PRICKLE2: variants seen among roughly 807,000 people sequenced by gnomAD.
PRICKLE2 encodes the protein prickle-like protein 2.
Under a neutral mutation model 81.4 loss-of-function variants are expected in PRICKLE2, and 21 were observed. That is an observed-to-expected ratio of 0.26 (90% CI 0.18 to 0.37). PRICKLE2 has a LOEUF of 0.37. PRICKLE2 is among the 10% of genes least tolerant of loss of function. The probability of loss-of-function intolerance (pLI) is 1.00; values close to 1 mark genes in which losing one functional copy is unlikely to be tolerated. For synonymous variants in PRICKLE2, 456 were observed against 421.5 expected (o/e 1.08, Z -1.00); for missense variants, 940 against 1,109.0 (o/e 0.85, Z 2.16).
At chr3:64,128,234 C>T (rs2077141597) in intron 7 of PRICKLE2, among the ~76,000 whole-genome samples, 1 of 152,134 alleles carries the variant, frequency 6.6e-6, no homozygotes, top group South Asian at 2.1e-4. Context: ...TTTCTCCACA[C>T]GTGGAACAAC....
intron 1 of PRICKLE2, among the ~76,000 whole-genome samples, chr3:64,207,511 G>T (rs993445494): frequency 1.3e-5 from 2 of 152,066 alleles, no homozygotes; most frequent in African/African-American, 4.8e-5. Flanking sequence ...GGCCGGTAAC[G>T]ACAAGACATG....
chr3:64,200,347 C>G (rs2078548856), intron 1 of PRICKLE2: 1 of 152,170 alleles, frequency 6.6e-6, no homozygotes, highest in Non-Finnish European at 1.5e-5. Flanking sequence ...TATAGATATA[C>G]CACATTTTCA....
intron 2 of PRICKLE2, among the ~76,000 whole-genome samples, chr3:64,171,874 G>C (rs1217220543): frequency 1.3e-5 from 2 of 152,210 alleles, no homozygotes; most frequent in Non-Finnish European, 1.5e-5. Context: ...GTTTATTTCA[G>C]AGGAAGTGAC....
chr3:64,258,845 A>AAGAAAGAAAG (rs2079569796), intron 2 of PRICKLE2, among the ~76,000 whole-genome samples: 38 of 33,992 alleles, frequency 1.1e-3, no homozygotes, highest in African/African-American at 2.7e-3. Flanking sequence ...AAAAAAAAAA[A>AAGAAAGAAAG]AAAGAAAGAA....
chr3:64,110,909 C>A (rs545246710), intron 7 of PRICKLE2, among the ~76,000 whole-genome samples: 2 of 138,330 alleles, frequency 1.4e-5, no homozygotes, highest in African/African-American at 2.7e-5. Flanking sequence ...TTGCAGTAAG[C>A]CGAGATCGTG....
At chr3:64,182,388 G>C (rs186809190) in intron 2 of PRICKLE2, among the ~76,000 whole-genome samples, 1 of 152,170 alleles carries the variant, frequency 6.6e-6, no homozygotes, top group East Asian at 1.9e-4. Flanking sequence ...CTGGGAGGCT[G>C]AGGTGGGAGG....
chr3:64,174,677 C>T (rs1333192108), intron 2 of PRICKLE2: 3 of 204,436 alleles, frequency 1.5e-5, no homozygotes, highest in Non-Finnish European at 3.3e-5. Context: ...TGCTTTTCTC[C>T]TATCCTTTGG....
chr3:64,245,560 T>C (rs949237444), intron 2 of PRICKLE2, among the ~76,000 whole-genome samples: 1 of 152,224 alleles, frequency 6.6e-6, no homozygotes, highest in Admixed American at 6.5e-5. Context: ...GTGACGTGTG[T>C]TGCAACAGAC....
chr3:64,224,131 G>C (rs1320031198), intron 1 of PRICKLE2, among the ~76,000 whole-genome samples: 2 of 152,166 alleles, frequency 1.3e-5, no homozygotes, highest in Non-Finnish European at 2.9e-5. Flanking sequence ...CATCACATCT[G>C]GTATGGATCG....
chr3:64,212,995 C>T (rs1258868862), intron 1 of PRICKLE2, among the ~76,000 whole-genome samples: 1 of 151,726 alleles, frequency 6.6e-6, no homozygotes, highest in East Asian at 1.9e-4. Context: ...AAGGTAATTT[C>T]ATTATTATCC....
intron 7 of PRICKLE2, among the ~76,000 whole-genome samples, chr3:64,112,431 C>G (rs1357556811): frequency 6.6e-6 from 1 of 152,144 alleles, no homozygotes; most frequent in East Asian, 1.9e-4. Context: ...TTCATGACCT[C>G]ATGTACAACA....
chr3:64,146,540 G>A lies in PRICKLE2; in HGVS notation c.1660+290C>T, dbSNP rs898695931. The A allele has an allele frequency of 6.5e-5, 23 of 353,502 alleles. No individual in the cohort carries two copies. The Admixed American group carries it at 7.2e-4, about 11-fold the overall frequency. 21.9% of individuals were successfully genotyped at this position (353,502 alleles called of 1,614,324 possible). A position where few individuals can be genotyped will look rare whatever the true frequency, so the allele number is the denominator to read the frequency against. On this transcript the variant is annotated intron_variant, in intron 7 of 7. Coordinates refer to ENST00000638394, the MANE Select transcript of PRICKLE2 (RefSeq NM_198859.4). Reference sequence around the variant, plus strand: ...AGGTGGATCACGAGGTCAGGAGATCGAGAACATCCCGGCTAACACGGTGAA... The same window carrying A: ...AGGTGGATCACGAGGTCAGGAGATCAAGAACATCCCGGCTAACACGGTGAA...
chr3:64,210,494 C>T (rs1224871235), intron 1 of PRICKLE2, among the ~76,000 whole-genome samples: 1 of 152,132 alleles, frequency 6.6e-6, no homozygotes, highest in African/African-American at 2.4e-5. Flanking sequence ...AGTGCCAAGA[C>T]CACACTGCCT....
rs17720698 is a variant in PRICKLE2, at chr3:64,157,183, C to T, written c.579G>A (p.Pro193=). ...CGRHHAECLK[P]RCAACDEIIF... The stretch of plus-strand genomic sequence containing the variant: ...TAACCTCATCGCAGGCAGCACAGCG[C>T]GGCTTCAGGCACTCAGCATGGTGCC... Residue 193 remains proline, a synonymous_variant, in exon 5 of 8, where the codon CCG becomes CCA. Coordinates refer to ENST00000638394, the MANE Select transcript of PRICKLE2 (RefSeq NM_198859.4). The T allele has an allele frequency of 0.22, 359,661 of 1,613,502 alleles. 42,307 individuals carry two copies. The highest frequency in any genetic ancestry group is 0.28 in the African/African-American group (20,700 of 74,974).
At chr3:64,207,424 C>G (rs989566118) in intron 1 of PRICKLE2, among the ~76,000 whole-genome samples, 12 of 152,046 alleles carry the variant, frequency 7.9e-5, no homozygotes, top group African/African-American at 2.4e-4. Flanking sequence ...GTCCTCTTTT[C>G]CCTTAGTGTT....
intron 2 of PRICKLE2, among the ~76,000 whole-genome samples, chr3:64,236,644 T>G (rs1483877330): frequency 6.6e-6 from 1 of 152,234 alleles, no homozygotes; most frequent in Non-Finnish European, 1.5e-5. Context: ...GACATCTAAT[T>G]TATCTTGGTT....
At chr3:64,189,836 T>C (rs2107097113) in intron 2 of PRICKLE2, among the ~76,000 whole-genome samples, 1 of 152,318 alleles carries the variant, frequency 6.6e-6, no homozygotes, top group East Asian at 1.9e-4. Context: ...ATGGAAGATG[T>C]CACCTCTGTA....
At chr3:64,155,673 T>C (rs1158035161) in intron 5 of PRICKLE2, among the ~76,000 whole-genome samples, 1 of 152,216 alleles carries the variant, frequency 6.6e-6, no homozygotes, top group Non-Finnish European at 1.5e-5. Flanking sequence ...GATACATACA[T>C]ACAACTGAAT....
At chr3:64,231,164 C>T (rs2079095454) in intron 2 of PRICKLE2, among the ~76,000 whole-genome samples, 1 of 152,116 alleles carries the variant, frequency 6.6e-6, no homozygotes. Flanking sequence ...AAAATTTTAA[C>T]ACAGCCTTTT....
Sources: allele counts gnomAD v4.1 joint callset (sites outside exome capture counted in the v4.1 genomes callset), GRCh38; gene constraint gnomAD v4.1.1; transcripts MANE v1.5; gene names NCBI Gene and HGNC (gene_info 2026-07-23, HGNC 2026-07-21).